GRM5: variants seen among roughly 807,000 people sequenced by gnomAD.
GRM5 encodes the protein glutamate metabotropic receptor 5, also known as metabotropic glutamate receptor 5.
In GRM5, 19 loss-of-function variants were observed where a neutral mutation model predicts 83.1. The ratio of observed to expected loss-of-function variants is 0.23; its 90% CI spans 0.16 to 0.34. The LOEUF (loss-of-function observed/expected upper bound fraction) is 0.34. Ranked by LOEUF, GRM5 falls within the 10% of genes least tolerant of loss-of-function variation. The probability of loss-of-function intolerance (pLI) is 1.00; values close to 1 mark genes in which losing one functional copy is unlikely to be tolerated. For missense variants in GRM5, 1,160 were observed against 1,588.3 expected (o/e 0.73, Z 4.58); for synonymous variants, 675 against 633.6 (o/e 1.07, Z -0.98).
chr11:88,880,275 A>C (rs1336847029), intron 2 of GRM5, among the ~76,000 whole-genome samples: 1 of 152,184 alleles, frequency 6.6e-6, no homozygotes, highest in Non-Finnish European at 1.5e-5. Flanking sequence ...AGCAATGCGT[A>C]AATATTAGGT....
chr11:88,664,069 T>A (rs1939976208), intron 3 of GRM5, among the ~76,000 whole-genome samples: 1 of 152,176 alleles, frequency 6.6e-6, no homozygotes, highest in Admixed American at 6.5e-5. Context: ...ACATTGTACT[T>A]GCTAAGTTCT....
At chr11:88,942,226 A>T (rs1213034358) in intron 2 of GRM5, among the ~76,000 whole-genome samples, 1 of 151,996 alleles carries the variant, frequency 6.6e-6, no homozygotes, top group Non-Finnish European at 1.5e-5. Flanking sequence ...AAATATACAC[A>T]TTTTAATATT....
chr11:88,582,622 CTTAT>C (rs1943234953), intron 7 of GRM5, among the ~76,000 whole-genome samples: 2 of 152,168 alleles, frequency 1.3e-5, no homozygotes, highest in African/African-American at 4.8e-5. Flanking sequence ...ATAAACTAAA[CTTAT>C]TTCTCATCAA....
At chr11:88,950,350 A>G (rs1452237780) in intron 2 of GRM5, among the ~76,000 whole-genome samples, 3 of 65,590 alleles carry the variant, frequency 4.6e-5, no homozygotes, top group Admixed American at 2.4e-4. Context: ...TTTGTGAGAT[A>G]AGTGTGTGTG....
Position 88,570,550 on chromosome 11 carries a change from A to AATATATATATATATATATATAT in GRM5, c.1691-2580_1691-2559dup, listed in dbSNP as rs199551301. ...CTGTTTTACCAAAAAAAGTATTAAT[A>AATATATATATATATATATATAT]ATATATATATATATATATATATTTT... On this transcript the variant is annotated intron_variant, in intron 7 of 9. Coordinates refer to ENST00000305447, the MANE Select transcript of GRM5 (RefSeq NM_001143831.3). Among the ~76,000 whole-genome samples, 49 of 71,936 alleles carry AATATATATATATATATATATAT rather than the reference A, an allele frequency of 6.8e-4. 1 individual carries two copies. The highest frequency in any genetic ancestry group is 1.3e-3 in the African/African-American group (16 of 12,252). The allele number at this position is 71,936 out of a possible 152,430, so 47.2% of individuals were successfully genotyped here.
chr11:88,629,659 C>G (rs1224384523), intron 4 of GRM5, among the ~76,000 whole-genome samples: 13 of 152,174 alleles, frequency 8.5e-5, no homozygotes, highest in African/African-American at 3.1e-4. Flanking sequence ...CCCATGCTGT[C>G]TCCTCCAATT....
chr11:88,595,327 A>G (rs542090689), intron 6 of GRM5, among the ~76,000 whole-genome samples: 273 of 152,288 alleles, frequency 1.8e-3, no homozygotes, highest in Middle Eastern at 6.8e-3. Context: ...ACAGTGCTAA[A>G]GAACACTAGA....
rs748809992 is a variant in GRM5, at chr11:88,509,331, G to A, written c.2900C>T (p.Ala967Val). The part of the protein sequence containing the change: ...ESRGLGAGAG[A>V]GGSAGGVGAT... ...CCCCACGCCCCCAGCGCTCCCGCCT[G>A]CGCCAGCGCCAGCGCCCAGGCCACG... The change falls in exon 10 of 10, where the codon GCA becomes GTA. Residue 967 changes from alanine to valine, a missense_variant. Physicochemically the swap from Ala to Val is moderately conservative, Grantham distance 64. Transcript: ENST00000305447. 4.4e-6 allele frequency: 7 copies of A among 1,600,758 alleles called. No homozygotes were observed. Among genetic ancestry groups the A allele is most frequent in the Non-Finnish European group, 5.1e-6 (6 of 1,175,078 alleles).
chr11:88,709,299 A>T (rs574029318), intron 3 of GRM5, among the ~76,000 whole-genome samples: 1 of 152,118 alleles, frequency 6.6e-6, no homozygotes, highest in African/African-American at 2.4e-5. Flanking sequence ...CAGCAGCATG[A>T]GGGGAGAATG....
chr11:88,799,423 T>C (rs905656888), intron 3 of GRM5, among the ~76,000 whole-genome samples: 18 of 152,114 alleles, frequency 1.2e-4, no homozygotes, highest in Admixed American at 3.3e-4. Context: ...TTCAAGAGAA[T>C]TAGGCACATT....
At position 88,732,366 on chromosome 11, in the gene GRM5, A is replaced by T. The variant is rs549193865; in HGVS notation, c.912-78963T>A. ...GTAGTGTTATTAATAAATGTCATAA[A>T]TATATAAAACAAAAAATTGCAATAT... On this transcript the variant is annotated intron_variant, in intron 3 of 9. Transcript: ENST00000305447. Among the ~76,000 whole-genome samples, 26 of 152,186 alleles carry T rather than the reference A, an allele frequency of 1.7e-4. No homozygotes were observed. The South Asian group carries it at 5.4e-3, about 32-fold the overall frequency.
At chr11:88,581,690 G>A (rs1023814821) in intron 7 of GRM5, among the ~76,000 whole-genome samples, 32 of 151,820 alleles carry the variant, frequency 2.1e-4, no homozygotes, top group African/African-American at 7.0e-4. Context: ...TTAAACAAAA[G>A]TCACTTTCTT....
At chr11:88,568,251 C>T (rs886908814) in intron 7 of GRM5, among the ~76,000 whole-genome samples, 1 of 151,986 alleles carries the variant, frequency 6.6e-6, no homozygotes, top group Admixed American at 6.6e-5. Context: ...GTTTCCTGCT[C>T]TCATAAAAAA....
At chr11:88,618,383 C>T (rs925689064) in intron 4 of GRM5, among the ~76,000 whole-genome samples, 1 of 152,174 alleles carries the variant, frequency 6.6e-6, no homozygotes, top group Admixed American at 6.6e-5. Flanking sequence ...TTGATACCAT[C>T]TTTCTTTAAA....
At chr11:88,793,892 C>T (rs1777013025) in intron 3 of GRM5, among the ~76,000 whole-genome samples, 1 of 152,082 alleles carries the variant, frequency 6.6e-6, no homozygotes, top group African/African-American at 2.4e-5. Flanking sequence ...GTGGTGTGAT[C>T]ACAGCTCAGT....
intron 2 of GRM5, among the ~76,000 whole-genome samples, chr11:88,951,112 A>G (rs1314694232): frequency 1.3e-5 from 2 of 152,036 alleles, no homozygotes; most frequent in African/African-American, 2.4e-5. Context: ...TGTGACAGAG[A>G]GTATATGCAT....
In GRM5 at chr11:88,509,276, G is replaced by A. The variant is rs1401174078; in HGVS notation, c.2955C>T (p.Ala985=). 6 of 1,465,820 alleles carry A rather than the reference G, an allele frequency of 4.1e-6. No individual in the cohort carries two copies. Among genetic ancestry groups the A allele is most frequent in the Non-Finnish European group, 3.6e-6 (4 of 1,113,774 alleles). The allele number at this position is 1,465,820 out of a possible 1,614,324, so 90.8% of individuals were successfully genotyped here. A position where few individuals can be genotyped will look rare whatever the true frequency, so the allele number is the denominator to read the frequency against. The change falls in exon 10 of 10, where the codon GCC becomes GCT. Residue 985 remains alanine (A), a synonymous_variant. Transcript: ENST00000305447. ...GATGGAGCAG[A]GPGGPESPDA... Reference sequence around the variant, plus strand: ...CTGGGGACTCGGGCCCGCCTGGGCCGGCGCCTGCGCAGCCCGCACCGCCCG... The same window carrying A: ...CTGGGGACTCGGGCCCGCCTGGGCCAGCGCCTGCGCAGCCCGCACCGCCCG...
chr11:88,941,365 A>T lies in GRM5; in HGVS notation c.662-91210T>A, dbSNP rs568585880. Among the ~76,000 whole-genome samples the T allele has an allele frequency of 1.3e-4, 19 of 150,852 alleles. No homozygotes were observed. In the Admixed American group the frequency reaches 1.3e-3, roughly 10 times the overall value. ...TTGAACTTAAAGAAATAAGCCATAT[A>T]TATACATAATAATGAGAGAGAGAAA... On this transcript the variant is annotated intron_variant, in intron 2 of 9. Coordinates refer to ENST00000305447, the MANE Select transcript of GRM5 (RefSeq NM_001143831.3).
intron 3 of GRM5, among the ~76,000 whole-genome samples, chr11:88,658,313 T>C (rs1939819425): frequency 6.6e-6 from 1 of 152,184 alleles, no homozygotes; most frequent in Admixed American, 6.5e-5. Context: ...CTTAAGATTC[T>C]GCTTAAAAGT....
Sources: gnomAD v4.1 joint callset for allele counts (sites outside exome capture counted in the v4.1 genomes callset) on GRCh38, gnomAD v4.1.1 for gene constraint, MANE v1.5 for transcripts, NCBI Gene and HGNC (gene_info 2026-07-23, HGNC 2026-07-21) for gene names.